The following DEDD variants were observed in gnomAD, a reference collection of about 807,000 sequenced individuals.
DEDD encodes death effector domain containing.
In DEDD, 3 loss-of-function variants were observed where a neutral mutation model predicts 29.2. That is an observed-to-expected ratio of 0.10 (90% CI 0.05 to 0.27). DEDD has a LOEUF of 0.27. DEDD is among the 10% of genes least tolerant of loss of function. The pLI, the probability that DEDD is intolerant of heterozygous loss-of-function variation, is 1.00. For synonymous variants in DEDD, 152 were observed against 161.3 expected, an observed-to-expected ratio of 0.94 and a Z score of 0.44; for missense variants, 261 against 420.5, an observed-to-expected ratio of 0.62 and a Z score of 3.32.
chr1:161,130,688 T>G (rs1656597635), intron 2 of DEDD, 127 bp downstream of exon 2: 1 of 152,208 alleles, frequency 6.6e-6, no homozygotes, highest in Non-Finnish European at 1.5e-5. Context: ...TGCACTCAGA[T>G]GGATGAATGA....
intron 3 of DEDD, 84 bp from the exon 4 acceptor site, chr1:161,124,030 C>G: frequency 6.3e-7 from 1 of 1,581,978 alleles, no homozygotes; most frequent in Non-Finnish European, 8.6e-7. Context: ...TCACAACTTA[C>G]TCTAAGTACT....
chr1:161,123,177 G>C lies in DEDD; in HGVS notation c.478C>G (p.Gln160Glu), dbSNP rs1470411683. ...CGGGCTGGCCGCTTGCTACACATCTGAGGACCCGAAGTGGGGCAACACACC... is the reference window on the plus strand; with the variant it reads ...CGGGCTGGCCGCTTGCTACACATCTCAGGACCCGAAGTGGGGCAACACACC... ...PVVCCPTSGP[Q>E]MCSKRPARGR... Residue 160 changes from glutamine to glutamate, a missense_variant, in exon 5 of 6, where the codon CAG (glutamine) becomes GAG (glutamate). Physicochemically the swap from Gln to Glu is conservative, Grantham distance 29. Coordinates refer to ENST00000368006, the MANE Select transcript of DEDD (RefSeq NM_032998.3). The C allele has an allele frequency of 6.2e-7, 1 of 1,614,190 alleles. No individual in the cohort carries two copies. The highest frequency in any genetic ancestry group is 1.1e-5 in the South Asian group (1 of 91,088).
chr1:161,124,443 C>A lies in DEDD; in HGVS notation c.20G>T (p.Arg7Leu), dbSNP rs1381291478. MAGLKR[R>L]ASQVWPEEHG... is the part of the protein sequence containing the mutation. The stretch of plus-strand genomic sequence containing the variant: ...CTCTTCTGGCCACACCTGGCTTGCC[C>A]GCCGCTTTAGGCCCGCCATGCTGGG... The change falls in exon 3 of 6, where the codon CGG (arginine) becomes CTG (leucine). Residue 7 changes from arginine to leucine, a missense_variant. Physicochemically the swap from Arg to Leu is moderately radical, Grantham distance 102. Transcript: ENST00000368006. 2 of 1,604,704 alleles carry A rather than the reference C, an allele frequency of 1.2e-6. No homozygotes were observed. Among genetic ancestry groups the A allele is most frequent in the African/African-American group, 1.3e-5 (1 of 74,920 alleles).
chr1:161,128,570 C>T (rs1413790305), intron 2 of DEDD, among the ~76,000 whole-genome samples: 1 of 151,992 alleles, frequency 6.6e-6, no homozygotes, highest in African/African-American at 2.4e-5. Context: ...CACTGCAGTC[C>T]AGCCCAGGTG....
rs1655911375 is a variant in DEDD at position 161,124,293 on chromosome 1, T to G, written c.170A>C (p.Glu57Ala). ...FLFVDVIDDH[E>A]RGLIRNGRDF... Reference sequence around the variant, plus strand: ...ACGTCCATTTCGGATGAGTCCACGCTCGTGGTCATCAATGACATCAACAAA... The same window carrying G: ...ACGTCCATTTCGGATGAGTCCACGCGCGTGGTCATCAATGACATCAACAAA... Residue 57 changes from glutamate to alanine, a missense_variant, in exon 3 of 6, where the codon GAG becomes GCG. Transcript: ENST00000368006. The G allele has an allele frequency of 1.2e-6, 2 of 1,614,246 alleles. No homozygotes were observed. Among genetic ancestry groups the G allele is most frequent in the Non-Finnish European group, 1.7e-6 (2 of 1,180,048 alleles).
chr1:161,122,046 G>T lies in DEDD; in HGVS notation c.*101C>A. 2 of 1,378,234 alleles carry T rather than the reference G, an allele frequency of 1.5e-6. No homozygotes were observed. Among genetic ancestry groups the T allele is most frequent in the South Asian group, 1.5e-5 (1 of 65,522 alleles). 85.4% of individuals were successfully genotyped at this position (1,378,234 alleles called of 1,614,324 possible). A position where few individuals can be genotyped will look rare whatever the true frequency, so the allele number is the denominator to read the frequency against. On this transcript the variant is annotated 3_prime_UTR_variant, in exon 6 of 6. Coordinates refer to ENST00000368006, the MANE Select transcript of DEDD (RefSeq NM_032998.3). This position sits in a 1 kb window ranked among gnomAD's most constrained non-coding sequence, Gnocchi z 4.2. The stretch of plus-strand genomic sequence containing the variant: ...CTTTAAAAAAAAAAAAAAAAAGGCA[G>T]GGGTGTGATTGGTTGGAAGGGTAGA...
Position 161,124,383 on chromosome 1 carries a change from T to C in DEDD, c.80A>G (p.His27Arg). ...AGTGCCCACGATGTCAAACATGCGG[T>C]GCAGGCTGTACAGCCCATGTTCCTG... ...GEQEHGLYSLHRMFDIVGTHL... is the reference protein window; with the variant it reads ...GEQEHGLYSLRRMFDIVGTHL... The change falls in exon 3 of 6, where the codon CAC (histidine) becomes CGC (arginine). Residue 27 changes from histidine to arginine, a missense_variant. Physicochemically the swap from His to Arg is conservative, Grantham distance 29 (BLOSUM62 0). Transcript: ENST00000368006. 6.2e-7 allele frequency: 1 copy of C among 1,614,090 alleles called. No individual in the cohort carries two copies. The highest frequency in any genetic ancestry group is 8.5e-7 in the Non-Finnish European group (1 of 1,180,034).
intron 1 of DEDD, among the ~76,000 whole-genome samples, chr1:161,131,387 C>G (rs578146126): frequency 5.9e-5 from 9 of 152,252 alleles, no homozygotes; most frequent in Admixed American, 1.3e-4. Flanking sequence ...CATACAGTAT[C>G]CATGTTACCC....
intron 2 of DEDD, among the ~76,000 whole-genome samples, chr1:161,125,975 T>G (rs1375956404): frequency 6.6e-6 from 1 of 152,194 alleles, no homozygotes; most frequent in Non-Finnish European, 1.5e-5. Flanking sequence ...ATTCCCAAAT[T>G]CAACAACTTT....
Position 161,124,394 on chromosome 1 carries a change from C to T in DEDD, c.69G>A (p.Leu23=), listed in dbSNP as rs559708698. The T allele has an allele frequency of 4.3e-6, 7 of 1,613,982 alleles. No individual in the cohort carries two copies. The highest frequency in any genetic ancestry group is 4.5e-5 in the East Asian group (2 of 44,876). The change falls in exon 3 of 6, where the codon CTG becomes CTA. Residue 23 remains leucine (L), a synonymous_variant. Transcript: ENST00000368006. ...PEEHGEQEHG[L]YSLHRMFDIV... ...TGTCAAACATGCGGTGCAGGCTGTA[C>T]AGCCCATGTTCCTGCTCACCATGCT...
rs775878319 is a variant in DEDD at position 161,124,178 on chromosome 1, G to A, written c.285C>T (p.His95=). Residue 95 remains histidine (H), a synonymous_variant, in exon 3 of 6, where the codon CAC becomes CAT. Coordinates refer to ENST00000368006, the MANE Select transcript of DEDD (RefSeq NM_032998.3). The part of the protein sequence containing the change: ...VLQLLRIITR[H]DLLPYVTLKR... Reference sequence around the variant, plus strand: ...TGAGGGTGACGTAGGGCAGCAGGTCGTGGCGAGTGATGATGCGCAGCAGCT... The same window carrying A: ...TGAGGGTGACGTAGGGCAGCAGGTCATGGCGAGTGATGATGCGCAGCAGCT... 9.3e-6 allele frequency: 15 copies of A among 1,613,980 alleles called. No individual in the cohort carries two copies. The highest frequency in any genetic ancestry group is 5.3e-5 in the African/African-American group (4 of 74,902).
Position 161,121,304 on chromosome 1 carries a change from C to A in DEDD, c.*843G>T. On this transcript the variant is annotated 3_prime_UTR_variant, in exon 6 of 6. Coordinates refer to ENST00000368006, the MANE Select transcript of DEDD (RefSeq NM_032998.3). ...ACACCTATGATGCCCTTTGCCCAAGCCAGAAGAAAGCAAAGGGGAAAAGGG... is the reference window on the plus strand; with the variant it reads ...ACACCTATGATGCCCTTTGCCCAAGACAGAAGAAAGCAAAGGGGAAAAGGG... The A allele has an allele frequency of 2.1e-6, 1 of 487,714 alleles. No homozygotes were observed. Among genetic ancestry groups the A allele is most frequent in the Non-Finnish European group, 2.7e-6 (1 of 374,526 alleles). The allele number at this position is 487,714 out of a possible 1,614,324, so 30.2% of individuals were successfully genotyped here. A position where few individuals can be genotyped will look rare whatever the true frequency, so the allele number is the denominator to read the frequency against.
At chr1:161,123,272 T>A (rs766710268) in intron 4 of DEDD, 51 bp from the exon 5 acceptor site, 1 of 1,519,798 alleles carries the variant, frequency 6.6e-7, no homozygotes, top group Admixed American at 1.7e-5. Context: ...AGGCAGAAAT[T>A]CAAACACTTC....
chr1:161,122,522 G>A lies in DEDD; in HGVS notation c.582C>T (p.Asp194=). 6.2e-7 allele frequency: 1 copy of A among 1,613,014 alleles called. No individual in the cohort carries two copies. Among genetic ancestry groups the A allele is most frequent in the Non-Finnish European group, 8.5e-7 (1 of 1,179,098 alleles). Residue 194 remains aspartate, a splice_region_variant and synonymous_variant, in exon 6 of 6, where the codon GAC becomes GAT. Transcript: ENST00000368006. The surrounding 1 kb of genome is among the most constrained non-coding windows in gnomAD (Gnocchi z 4.2). ...ATTCAGCCCGAACCCGCAGTCTGAT[G>A]TCTGTTGGAAACAGAAGATACAGAG... ...TPDPKEKQTC[D]IRLRVRAEYC...
chr1:161,123,188 G>A lies in DEDD; in HGVS notation c.467C>T (p.Thr156Ile). 1 of 1,614,230 alleles carries A rather than the reference G, an allele frequency of 6.2e-7. No homozygotes were observed. The highest frequency in any genetic ancestry group is 8.5e-7 in the Non-Finnish European group (1 of 1,180,044). Residue 156 changes from threonine to isoleucine, a missense_variant, in exon 5 of 6, where the codon ACT becomes ATT. Physicochemically the swap from Thr to Ile is moderately conservative, Grantham distance 89. This residue lies in a region of DEDD where 203 missense variants were observed against 268.7 expected (regional missense o/e 0.76). Coordinates refer to ENST00000368006, the MANE Select transcript of DEDD (RefSeq NM_032998.3). ...CTTGCTACACATCTGAGGACCCGAAGTGGGGCAACACACCACAGGATAGTG... is the reference window on the plus strand; with the variant it reads ...CTTGCTACACATCTGAGGACCCGAAATGGGGCAACACACCACAGGATAGTG... The part of the protein sequence containing the change: ...PPHYPVVCCP[T>I]SGPQMCSKRP...
At chr1:161,127,490 AAAATG>A (rs1206400578) in intron 2 of DEDD, among the ~76,000 whole-genome samples, 1 of 152,244 alleles carries the variant, frequency 6.6e-6, no homozygotes, top group Non-Finnish European at 1.5e-5. Context: ...ATGAAAAACT[AAAATG>A]AAAGCACAGA....
At chr1:161,129,563 T>C (rs977141812) in intron 2 of DEDD, among the ~76,000 whole-genome samples, 1 of 143,042 alleles carries the variant, frequency 7.0e-6, no homozygotes, top group Non-Finnish European at 1.5e-5. Flanking sequence ...AAAAAAGTGA[T>C]GAAAGTTCAG....
chr1:161,123,949 G>A lies in DEDD; in HGVS notation c.326-3C>T. 1 of 1,613,394 alleles carries A rather than the reference G, an allele frequency of 6.2e-7. No individual in the cohort carries two copies. Among genetic ancestry groups the A allele is most frequent in the Non-Finnish European group, 8.5e-7 (1 of 1,179,720 alleles). On this transcript the variant is annotated splice_polypyrimidine_tract_variant and splice_region_variant and intron_variant, in intron 3 of 5. Coordinates refer to ENST00000368006, the MANE Select transcript of DEDD (RefSeq NM_032998.3). ...CTTGTCTACAAGATCAGGGCACACT[G>A]TAGGAGGAGAAGTAATCATTCAGGA... is the stretch of plus-strand genomic sequence containing the variant.
rs577952986 is a variant in DEDD, at chr1:161,132,537, C to T, written c.-98+14G>A. On this transcript the variant is annotated intron_variant, in intron 1 of 5. Transcript: ENST00000368006. ...CGACTCCCTCTCCCCACTCCGGCCG[C>T]CCCTCCGCCTCACTCTCGGCTCAGG... is the stretch of plus-strand genomic sequence containing the variant. 5.8e-5 allele frequency: 9 copies of T among 154,424 alleles called. No homozygotes were observed. In the East Asian group the frequency reaches 9.6e-4, roughly 16 times the overall value. The allele number at this position is 154,424 out of a possible 1,614,324, so 9.6% of individuals were successfully genotyped here.
Sources: allele counts gnomAD v4.1 joint callset (sites outside exome capture counted in the v4.1 genomes callset), GRCh38; gene constraint gnomAD v4.1.1; regional missense constraint gnomAD v4.1.1; non-coding constraint Gnocchi (gnomAD v3.1); transcripts MANE v1.5; gene names NCBI Gene and HGNC (gene_info 2026-07-23, HGNC 2026-07-21).